The following IL1RAPL2 variants were observed in gnomAD, a reference collection of about 807,000 sequenced individuals.
IL1RAPL2 encodes the protein X-linked interleukin-1 receptor accessory protein-like 2.
A neutral mutation model predicts 44.1 loss-of-function variants in IL1RAPL2; 3 were observed. That is an observed-to-expected ratio of 0.07 (90% confidence interval 0.03 to 0.18). The LOEUF (loss-of-function observed/expected upper bound fraction) is 0.18, where lower values mean the gene tolerates loss of function less well. IL1RAPL2 is among the 10% of genes least tolerant of loss of function. The pLI, the probability that IL1RAPL2 is intolerant of heterozygous loss-of-function variation, is 1.00. For missense variants in IL1RAPL2, 391 were observed against 496.4 expected (o/e 0.79, Z 2.02); for synonymous variants, 181 against 178.8 (o/e 1.01, Z -0.10).
chrX:104,789,686 A>G (rs1240187958), intron 2 of IL1RAPL2, among the ~76,000 whole-genome samples: 2 of 112,500 alleles, frequency 1.8e-5, no homozygotes, highest in Non-Finnish European at 3.7e-5. Context: ...TGACTTTGGC[A>G]TATGACTGTG....
At chrX:104,620,746 A>G (rs1458914083) in intron 1 of IL1RAPL2, among the ~76,000 whole-genome samples, 1 of 98,953 alleles carries the variant, frequency 1.0e-5, no homozygotes, top group Non-Finnish European at 2.0e-5. Context: ...TAGTCAGTTT[A>G]GTACCCATAC....
intron 2 of IL1RAPL2, among the ~76,000 whole-genome samples, chrX:104,912,446 T>G (rs1033846124): frequency 2.7e-5 from 3 of 110,618 alleles, no homozygotes; most frequent in Non-Finnish European, 5.7e-5. Flanking sequence ...AATCCCATCC[T>G]CTCCCTGGTG....
intron 5 of IL1RAPL2, among the ~76,000 whole-genome samples, chrX:105,321,620 T>C (rs971768046): frequency 8.9e-6 from 1 of 112,225 alleles, no homozygotes; most frequent in African/African-American, 3.2e-5. Flanking sequence ...ATATCTTGCA[T>C]GTGGTAGGTC....
intron 5 of IL1RAPL2, among the ~76,000 whole-genome samples, chrX:105,308,873 GTTC>G (rs2034772825): frequency 9.0e-6 from 1 of 111,550 alleles, no homozygotes; most frequent in Non-Finnish European, 1.9e-5. Flanking sequence ...TTTTGCCAAA[GTTC>G]TTGTATTATT....
At chrX:104,987,065 A>G (rs1301690315) in intron 2 of IL1RAPL2, among the ~76,000 whole-genome samples, 1 of 112,114 alleles carries the variant, frequency 8.9e-6, no homozygotes, top group African/African-American at 3.2e-5. Context: ...CTTGTTACCC[A>G]TATTCTCCTA....
intron 3 of IL1RAPL2, among the ~76,000 whole-genome samples, chrX:105,218,611 A>G (rs1465616894): frequency 9.0e-6 from 1 of 110,699 alleles, no homozygotes; most frequent in Admixed American, 9.6e-5. Context: ...ACATACACAA[A>G]TAAAAGCTGC....
chrX:105,092,616 C>CAATCCAAAGCTCCT (rs1247779126), intron 2 of IL1RAPL2, among the ~76,000 whole-genome samples: 40 of 111,523 alleles, frequency 3.6e-4, no homozygotes, highest in African/African-American at 1.2e-3. Flanking sequence ...TGATACCATC[C>CAATCCAAAGCTCCT]AATCCAAAGC....
rs1555973857 is a variant in IL1RAPL2 at position 104,626,299 on chromosome X, C to CTT, written c.-19-32596_-19-32595insTT. Among the ~76,000 whole-genome samples, 7 of 100,917 alleles carry CTT rather than the reference C, an allele frequency of 6.9e-5. No individual in the cohort carries two copies. The South Asian group carries it at 2.3e-3, about 33-fold the overall frequency. 87.6% of individuals were successfully genotyped at this position (100,917 alleles called of 115,157 possible). On this transcript the variant is annotated intron_variant, in intron 1 of 10. Transcript: ENST00000372582. ...ATATCTGGGTTGTGACTGTCTCATG[C>CTT]GTGTGTGTGTGTGCGTGTGTGTGTG...
At chrX:104,614,000 C>G (rs192652360) in intron 1 of IL1RAPL2, among the ~76,000 whole-genome samples, 10 of 110,217 alleles carry the variant, frequency 9.1e-5, no homozygotes, top group African/African-American at 3.0e-4. Flanking sequence ...ATAATAGCCT[C>G]TAATTATCTT....
At chrX:104,792,575 C>T (rs1308726237) in intron 2 of IL1RAPL2, among the ~76,000 whole-genome samples, 5 of 111,169 alleles carry the variant, frequency 4.5e-5, no homozygotes, top group Non-Finnish European at 9.4e-5. Context: ...ACTTTCATAG[C>T]CATTTTTAGT....
intron 3 of IL1RAPL2, among the ~76,000 whole-genome samples, chrX:105,212,087 G>T (rs1244846470): frequency 8.9e-6 from 1 of 111,918 alleles, no homozygotes; most frequent in Non-Finnish European, 1.9e-5. Context: ...TCAAACCCCA[G>T]TGGCACCTGG....
intron 2 of IL1RAPL2, among the ~76,000 whole-genome samples, chrX:105,163,095 T>C (rs2033341185): frequency 8.9e-6 from 1 of 111,805 alleles, no homozygotes; most frequent in Non-Finnish European, 1.9e-5. Context: ...ACCAGCTGTT[T>C]TGTAGTTTTA....
rs923004914 is a variant in IL1RAPL2, at chrX:105,488,634, T to A, written c.772+4247T>A. ...ATCTAGAGCATTATTAATTTTATTTTTCCCATGGACAAGAATTTCATGCAG... is the reference window on the plus strand; with the variant it reads ...ATCTAGAGCATTATTAATTTTATTTATCCCATGGACAAGAATTTCATGCAG... On this transcript the variant is annotated intron_variant, in intron 6 of 10. Coordinates refer to ENST00000372582, the MANE Select transcript of IL1RAPL2 (RefSeq NM_017416.2). Among the ~76,000 whole-genome samples, 9 of 112,332 alleles carry A rather than the reference T, an allele frequency of 8.0e-5. No homozygotes were observed. The South Asian group carries it at 2.2e-3, about 28-fold the overall frequency.
intron 2 of IL1RAPL2, among the ~76,000 whole-genome samples, chrX:105,044,673 G>A (rs2031813348): frequency 9.0e-6 from 1 of 111,720 alleles, no homozygotes; most frequent in Non-Finnish European, 1.9e-5. Flanking sequence ...GTGACCTTAT[G>A]AAATGTCTTT....
chrX:105,145,929 T>C (rs1244434002), intron 2 of IL1RAPL2, among the ~76,000 whole-genome samples: 4 of 111,129 alleles, frequency 3.6e-5, no homozygotes, highest in Non-Finnish European at 5.7e-5. Context: ...TGGGAAGTTA[T>C]TAGATCAAAA....
chrX:104,717,644 G>A (rs1418067172), intron 2 of IL1RAPL2, among the ~76,000 whole-genome samples: 1 of 108,712 alleles, frequency 9.2e-6, no homozygotes, highest in Admixed American at 9.9e-5. Context: ...AAGTTTTAGG[G>A]TACATGTGTA....
Position 105,529,337 on chromosome X carries a change from G to T in IL1RAPL2, c.772+44950G>T, listed in dbSNP as rs182446469. On this transcript the variant is annotated intron_variant, in intron 6 of 10. Coordinates refer to ENST00000372582, the MANE Select transcript of IL1RAPL2 (RefSeq NM_017416.2). ...TATAAATAAAATTAATAATCTGTTG[G>T]CAATGCTTTGAGACTATTTGAATAC... 5.3e-3 allele frequency among the ~76,000 whole-genome samples: 590 copies of T among 110,745 alleles called. 7 individuals carry two copies. Among genetic ancestry groups the T allele is most frequent in the African/African-American group, 0.019 (569 of 30,575 alleles).
At chrX:105,397,522 C>CAA (rs1938615438) in intron 5 of IL1RAPL2, among the ~76,000 whole-genome samples, 1 of 111,187 alleles carries the variant, frequency 9.0e-6, no homozygotes, top group African/African-American at 3.3e-5. Context: ...TGAGACAAAA[C>CAA]ATCAATGGAA....
At chrX:104,840,014 G>C (rs1921858501) in intron 2 of IL1RAPL2, among the ~76,000 whole-genome samples, 1 of 111,455 alleles carries the variant, frequency 9.0e-6, no homozygotes, top group African/African-American at 3.3e-5. Context: ...CTAACAAGCA[G>C]CTCCTGGATT....
Sources: allele counts gnomAD v4.1 joint callset (sites outside exome capture counted in the v4.1 genomes callset), GRCh38; gene constraint gnomAD v4.1.1; transcripts MANE v1.5; gene names NCBI Gene and HGNC (gene_info 2026-07-23, HGNC 2026-07-21).